PLEC: variants seen among roughly 807,000 people sequenced by gnomAD.
The protein encoded by PLEC is plectin.
A neutral mutation model predicts 392.8 loss-of-function variants in PLEC; 216 were observed. That is an observed-to-expected ratio of 0.55 (90% CI 0.49 to 0.62). The LOEUF (loss-of-function observed/expected upper bound fraction) is 0.62. Among genes scored for constraint, PLEC ranks in the 20% least tolerant of loss-of-function variants. The pLI is 0.00. For synonymous variants in PLEC, 3,621 were observed against 2,980.6 expected (o/e 1.21, Z -7.00); for missense variants, 6,863 against 6,563.4 (o/e 1.05, Z -1.58).
intron 1 of PLEC, among the ~76,000 whole-genome samples, chr8:143,963,577 G>A (rs1278798026): frequency 1.3e-5 from 2 of 152,154 alleles, no homozygotes; most frequent in East Asian, 1.9e-4. Flanking sequence ...TAAAAAGATG[G>A]AGAAAAATTT....
chr8:143,937,718 G>A (rs1554724628), intron 3 of PLEC: 13 of 489,736 alleles, frequency 2.7e-5, no homozygotes, highest in Non-Finnish European at 4.4e-5. Context: ...GAGCTCCCGT[G>A]CCGCTGCAGC....
chr8:143,951,327 G>A (rs1419706209), upstream of PLEC, among the ~76,000 whole-genome samples: 7 of 152,096 alleles, frequency 4.6e-5, no homozygotes, highest in East Asian at 3.9e-4. Flanking sequence ...TGAGGGATGC[G>A]AGGCTTGAGC....
rs782437526 is a variant in PLEC at position 143,935,832 on chromosome 8, C to T, written c.602+16G>A. 1.2e-6 allele frequency: 2 copies of T among 1,612,312 alleles called. No individual in the cohort carries two copies. The highest frequency in any genetic ancestry group is 1.3e-5 in the African/African-American group (1 of 74,916). On this transcript the variant is annotated intron_variant, in intron 6 of 31. Coordinates refer to ENST00000345136, the MANE Select transcript of PLEC (RefSeq NM_201384.3). ...GTGCCCCCAGCCCACAGCCCCCTGC[C>T]CCCGGGGCCATGTACTTGTGCCGGT...
Position 143,932,919 on chromosome 8 carries a change from G to T in PLEC, c.1611C>A (p.His537Gln). ...DLLAWVEENQ[H>Q]RVDGAEWGVD... Reference sequence around the variant, plus strand: ...CACCCCACTCAGCGCCATCCACACGGTGCTGGTTCTCCTCCACCCAGGCCA... The same window carrying T: ...CACCCCACTCAGCGCCATCCACACGTTGCTGGTTCTCCTCCACCCAGGCCA... The change falls in exon 14 of 32, where the codon CAC (histidine) becomes CAA (glutamine). Residue 537 changes from histidine to glutamine, a missense_variant. Coordinates refer to ENST00000345136, the MANE Select transcript of PLEC (RefSeq NM_201384.3). The T allele has an allele frequency of 6.2e-7, 1 of 1,612,630 alleles. No individual in the cohort carries two copies. Among genetic ancestry groups the T allele is most frequent in the Non-Finnish European group, 8.5e-7 (1 of 1,179,912 alleles).
In PLEC at chr8:143,916,252, G is replaced by A; in HGVS notation, c.13569C>T (p.Ser4523=). The change falls in exon 32 of 32, where the codon TCC becomes TCT. Residue 4523 remains serine (S), a synonymous_variant. Coordinates refer to ENST00000345136, the MANE Select transcript of PLEC (RefSeq NM_201384.3). The part of the protein sequence containing the change: ...FSMTFSSSSY[S]SSGYGRRYAS... ...CGTAGCGGCGGCCGTAGCCCGAGGA[G>A]GAGTAGGAGGATGAAGAGAAGGTCA... 6.5e-7 allele frequency: 1 copy of A among 1,548,294 alleles called. No individual in the cohort carries two copies. The highest frequency in any genetic ancestry group is 8.7e-7 in the Non-Finnish European group (1 of 1,146,592).
intron 30 of PLEC, 118 bp downstream of exon 30, chr8:143,926,666 G>A: frequency 1.2e-6 from 1 of 863,798 alleles, no homozygotes; most frequent in African/African-American, 1.6e-5. Flanking sequence ...GGCAGCGCCA[G>A]TGGGGAGAGT....
Position 143,924,900 on chromosome 8 carries a change from C to T in PLEC, c.5029G>A (p.Gly1677Ser), listed in dbSNP as rs373952777. 226 of 1,587,230 alleles carry T rather than the reference C, an allele frequency of 1.4e-4. No individual in the cohort carries two copies. In the East Asian group the frequency reaches 3.3e-3, roughly 23 times the overall value. The change falls in exon 31 of 32, where the codon GGC (glycine) becomes AGC (serine). Residue 1677 changes from glycine to serine, a missense_variant. Gly to Ser is a moderately conservative substitution (Grantham distance 56). Coordinates refer to ENST00000345136, the MANE Select transcript of PLEC (RefSeq NM_201384.3). ...CGGACGGCCTGCTCCTCCGCCTTGC[C>T]GCGCCGCCGCGCCTCGCGCTCCGCC... ...EEAEREARRR[G>S]KAEEQAVRQR...
Position 143,924,052 on chromosome 8 carries a change from C to G in PLEC, c.5877G>C (p.Leu1959=), listed in dbSNP as rs1554695497. The G allele has an allele frequency of 4.4e-6, 7 of 1,596,736 alleles. 1 individual carries two copies. The South Asian group carries it at 7.7e-5, about 18-fold the overall frequency. The change falls in exon 31 of 32, where the codon CTG becomes CTC. Residue 1959 remains leucine, a synonymous_variant. Coordinates refer to ENST00000345136, the MANE Select transcript of PLEC (RefSeq NM_201384.3). ...GRIRSNAEDT[L]RSKEQAELEA... ...CCAGCTCGGCCTGCTCCTTGCTGCG[C>G]AGCGTGTCCTCCGCGTTGCTGCGGA...
In PLEC at chr8:143,929,300, G is replaced by A; in HGVS notation, c.3082-19C>T. On this transcript the variant is annotated intron_variant, in intron 24 of 31. Transcript: ENST00000345136. ...GTGCCTTCTGCAAAGACAGGGAGTGGGAACGCACTCATCACCGAGCGCAGC... is the reference window on the plus strand; with the variant it reads ...GTGCCTTCTGCAAAGACAGGGAGTGAGAACGCACTCATCACCGAGCGCAGC... 6.3e-7 allele frequency: 1 copy of A among 1,598,674 alleles called. No individual in the cohort carries two copies. The highest frequency in any genetic ancestry group is 8.5e-7 in the Non-Finnish European group (1 of 1,179,224).
At position 143,925,863 on chromosome 8, in the gene PLEC, C is replaced by T. The variant is rs1554704401; in HGVS notation, c.4066G>A (p.Ala1356Thr). The change falls in exon 31 of 32, where the codon GCA becomes ACA. Residue 1356 changes from alanine to threonine, a missense_variant. Transcript: ENST00000345136. The stretch of plus-strand genomic sequence containing the variant: ...TCGGCCAGCCGCTCGCGCTCCTCTG[C>T]CCGCTGCTGCTCAGCCAGCCTCTGT... ...EEERLAEQQR[A>T]EERERLAEVE... 2 of 1,547,740 alleles carry T rather than the reference C, an allele frequency of 1.3e-6. No individual in the cohort carries two copies. The highest frequency in any genetic ancestry group is 8.7e-7 in the Non-Finnish European group (1 of 1,153,210).
At chr8:143,943,693 G>A (rs1830917562), upstream of PLEC, 3 of 1,268,260 alleles carry the variant, frequency 2.4e-6, no homozygotes, top group Non-Finnish European at 2.2e-6. Context: ...GAAACAGGAA[G>A]GGGAGGGCGC....
rs199908161 is a variant in PLEC at position 143,937,090 on chromosome 8, C to G, written c.343-19G>C. 1.1e-5 allele frequency: 18 copies of G among 1,610,954 alleles called. No homozygotes were observed. The African/African-American group carries it at 1.6e-4, about 14-fold the overall frequency. The stretch of plus-strand genomic sequence containing the variant: ...GCTTCACCTGTGAGCGAGGGGCTCT[C>G]GGTCACGGCCCACAGGGCGGGGCTG... On this transcript the variant is annotated intron_variant, in intron 4 of 31. Transcript: ENST00000345136.
At position 143,924,800 on chromosome 8, in the gene PLEC, G is replaced by T; in HGVS notation, c.5129C>A (p.Ala1710Asp). 1 of 1,537,974 alleles carries T rather than the reference G, an allele frequency of 6.5e-7. No individual in the cohort carries two copies. The highest frequency in any genetic ancestry group is 1.4e-5 in the African/African-American group (1 of 73,162). The change falls in exon 31 of 32, where the codon GCC (alanine) becomes GAC (aspartate). Residue 1710 changes from alanine to aspartate, a missense_variant. Ala to Asp is a moderately radical substitution (Grantham distance 126, BLOSUM62 -2). Coordinates refer to ENST00000345136, the MANE Select transcript of PLEC (RefSeq NM_201384.3). Reference sequence around the variant, plus strand: ...CAGCCGGATCAACTCCTGCTCCGCGGCCAGGCGCTGCTGCGCGGTGCCTTC... The same window carrying T: ...CAGCCGGATCAACTCCTGCTCCGCGTCCAGGCGCTGCTGCGCGGTGCCTTC... ...LAEGTAQQRL[A>D]AEQELIRLRA...
At position 143,921,690 on chromosome 8, in the gene PLEC, T is replaced by A; in HGVS notation, c.8131A>T (p.Ser2711Cys). ...LLLKATNEKLSVYAALQRQLL... is the reference protein window; with the variant it reads ...LLLKATNEKLCVYAALQRQLL... ...TGCCTCTGCAGGGCGGCGTAAACAC[T>A]CAGCTTCTCATTGGTGGCCTTCAGC... Residue 2711 changes from serine to cysteine, a missense_variant, in exon 32 of 32, where the codon AGT becomes TGT. Coordinates refer to ENST00000345136, the MANE Select transcript of PLEC (RefSeq NM_201384.3). The A allele has an allele frequency of 6.2e-7, 1 of 1,613,086 alleles. No individual in the cohort carries two copies. Among genetic ancestry groups the A allele is most frequent in the Non-Finnish European group, 8.5e-7 (1 of 1,179,898 alleles).
At position 143,931,973 on chromosome 8, in the gene PLEC, G is replaced by T; in HGVS notation, c.2142C>A (p.Ile714=). The T allele has an allele frequency of 1.2e-6, 2 of 1,607,856 alleles. No individual in the cohort carries two copies. The highest frequency in any genetic ancestry group is 1.7e-6 in the Non-Finnish European group (2 of 1,178,404). The stretch of plus-strand genomic sequence containing the variant: ...CAGCGTTCTCCTTCAGGTGTGCCTC[G>T]ATACAGCAGCACAGCTGTAGCATCC... ...WSWMLQLCCC[I]EAHLKENAAY... is the part of the protein sequence containing the mutation. Residue 714 remains isoleucine, a synonymous_variant, in exon 18 of 32, where the codon ATC becomes ATA. Transcript: ENST00000345136.
chr8:143,947,781 A>G (rs2132659201), intron 1 of PLEC, among the ~76,000 whole-genome samples: 1 of 152,232 alleles, frequency 6.6e-6, no homozygotes, highest in Middle Eastern at 3.4e-3. Flanking sequence ...ATGAAACGTA[A>G]ATGAAACTCA....
upstream of PLEC, chr8:143,943,918 C>A: frequency 3.7e-6 from 6 of 1,606,336 alleles, no homozygotes; most frequent in Non-Finnish European, 5.1e-6. Flanking sequence ...GCCAGGGCTG[C>A]CCTTCCTGCG....
chr8:143,932,918 G>T lies in PLEC; in HGVS notation c.1612C>A (p.Arg538Ser). 1 of 1,612,610 alleles carries T rather than the reference G, an allele frequency of 6.2e-7. No homozygotes were observed. Among genetic ancestry groups the T allele is most frequent in the South Asian group, 1.1e-5 (1 of 91,068 alleles). Residue 538 changes from arginine to serine, a missense_variant, in exon 14 of 32, where the codon CGT becomes AGT. Physicochemically the swap from Arg to Ser is moderately radical, Grantham distance 110 (BLOSUM62 -1). Transcript: ENST00000345136. Reference sequence around the variant, plus strand: ...ACACCCCACTCAGCGCCATCCACACGGTGCTGGTTCTCCTCCACCCAGGCC... The same window carrying T: ...ACACCCCACTCAGCGCCATCCACACTGTGCTGGTTCTCCTCCACCCAGGCC... Reference protein sequence around the residue: ...LLAWVEENQHRVDGAEWGVDL... With the variant: ...LLAWVEENQHSVDGAEWGVDL...
rs782511217 is a variant in PLEC, at chr8:143,929,222, G to C, written c.3141C>G (p.Ala1047=). The C allele has an allele frequency of 2.5e-6, 4 of 1,602,606 alleles. No individual in the cohort carries two copies. The East Asian group carries it at 6.7e-5, about 27-fold the overall frequency. The change falls in exon 25 of 32, where the codon GCC becomes GCG. Residue 1047 remains alanine (A), a synonymous_variant. Coordinates refer to ENST00000345136, the MANE Select transcript of PLEC (RefSeq NM_201384.3). The part of the protein sequence containing the change: ...GKGVARLSAE[A]EKVLALPEPS... The stretch of plus-strand genomic sequence containing the variant: ...GCTCTGGTAGGGCCAAGACCTTCTC[G>C]GCCTCGGCAGAGAGCCGGGCGACCC...
Sources: allele counts gnomAD v4.1 joint callset (sites outside exome capture counted in the v4.1 genomes callset), GRCh38; gene constraint gnomAD v4.1.1; transcripts MANE v1.5; gene names NCBI Gene and HGNC (gene_info 2026-07-23, HGNC 2026-07-21).